The following STPG2 variants were observed in gnomAD, a reference collection of about 807,000 sequenced individuals.
STPG2 encodes sperm-tail PG-rich repeat-containing protein 2.
STPG2 carries 56 observed loss-of-function variants against 54.2 expected under a neutral mutation model. The observed-to-expected ratio is 1.03, with a 90% confidence interval of 0.83 to 1.29. The LOEUF (loss-of-function observed/expected upper bound fraction) is 1.29. STPG2 is among the 50% of genes most tolerant of loss of function. The pLI is 0.00. For missense variants in STPG2, 596 were observed against 544.9 expected, an observed-to-expected ratio of 1.09 and a Z score of -0.93; for synonymous variants, 200 against 181.8, an observed-to-expected ratio of 1.10 and a Z score of -0.81.
At chr4:97,897,309 A>G (rs966774269) in intron 8 of STPG2, among the ~76,000 whole-genome samples, 6 of 152,060 alleles carry the variant, frequency 3.9e-5, no homozygotes, top group African/African-American at 1.4e-4. Flanking sequence ...TCTATCACTG[A>G]TGGACATTTA....
intron 5 of STPG2, among the ~76,000 whole-genome samples, chr4:98,033,794 A>G (rs1348763637): frequency 6.6e-6 from 1 of 152,204 alleles, no homozygotes; most frequent in Admixed American, 6.5e-5. Flanking sequence ...AAGCTGATTC[A>G]ACATAGGCAA....
intron 9 of STPG2, among the ~76,000 whole-genome samples, chr4:97,794,751 A>T (rs776905999): frequency 1.6e-4 from 24 of 152,136 alleles, no homozygotes; most frequent in Non-Finnish European, 3.4e-4. Flanking sequence ...CAAGTGTTTG[A>T]TTTTTAATTT....
At chr4:97,636,118 G>C (rs1314078844) in intron 10 of STPG2, among the ~76,000 whole-genome samples, 2 of 146,572 alleles carry the variant, frequency 1.4e-5, no homozygotes, top group Non-Finnish European at 3.0e-5. Flanking sequence ...AAATGTAAAA[G>C]AACAGACATT....
intron 10 of STPG2, among the ~76,000 whole-genome samples, chr4:97,657,098 C>T (rs963386996): frequency 9.4e-5 from 14 of 148,764 alleles, no homozygotes; most frequent in African/African-American, 2.0e-4. Context: ...TTTGCCAAAA[C>T]GATAAGAAGA....
At chr4:97,865,058 A>C (rs1409203964) in intron 8 of STPG2, among the ~76,000 whole-genome samples, 1 of 152,194 alleles carries the variant, frequency 6.6e-6, no homozygotes, top group Admixed American at 6.6e-5. Context: ...TAAAACACCA[A>C]AAGCAATGGC....
At chr4:98,009,277 G>T (rs2149280943) in intron 5 of STPG2, among the ~76,000 whole-genome samples, 1 of 151,052 alleles carries the variant, frequency 6.6e-6, no homozygotes. Context: ...TGATATGTTA[G>T]TTTTTTTCAT....
chr4:97,775,395 C>T (rs1726345231), intron 9 of STPG2, among the ~76,000 whole-genome samples: 1 of 151,688 alleles, frequency 6.6e-6, no homozygotes, highest in Non-Finnish European at 1.5e-5. Flanking sequence ...CTAATGCTAT[C>T]CCTAGAAATT....
At chr4:98,070,559 G>C (rs1737971037) in intron 5 of STPG2, among the ~76,000 whole-genome samples, 1 of 151,818 alleles carries the variant, frequency 6.6e-6, no homozygotes, top group South Asian at 2.1e-4. Flanking sequence ...TTCAAATAGA[G>C]AGAGAGGATG....
At chr4:97,897,243 C>CT (rs1284296210) in intron 8 of STPG2, among the ~76,000 whole-genome samples, 1 of 152,022 alleles carries the variant, frequency 6.6e-6, no homozygotes, top group Non-Finnish European at 1.5e-5. Flanking sequence ...TGATCTCATT[C>CT]TTTTTTATAA....
At chr4:97,486,093 A>C (rs777362529) in intron 4 of STPG2, among the ~76,000 whole-genome samples, 2 of 150,912 alleles carry the variant, frequency 1.3e-5, no homozygotes, top group Non-Finnish European at 3.0e-5. Context: ...AAATTCTAGA[A>C]GATAATAGAC....
chr4:97,560,911 ACATGTG>A (rs1280274162), intron 10 of STPG2, among the ~76,000 whole-genome samples: 3 of 152,210 alleles, frequency 2.0e-5, no homozygotes, highest in Non-Finnish European at 4.4e-5. Context: ...CAATAAACGT[ACATGTG>A]CATGTGTCTT....
chr4:97,844,608 C>G (rs1384042186), intron 8 of STPG2, among the ~76,000 whole-genome samples: 1 of 151,928 alleles, frequency 6.6e-6, no homozygotes, highest in Non-Finnish European at 1.5e-5. Context: ...CACCTTTGTT[C>G]TCTTTCACTA....
intron 4 of STPG2, among the ~76,000 whole-genome samples, chr4:97,542,532 C>G (rs572015923): frequency 9.9e-5 from 15 of 152,274 alleles, no homozygotes; most frequent in Non-Finnish European, 1.6e-4. Flanking sequence ...GGACTGTAAA[C>G]TAGTTCAACC....
intron 9 of STPG2, among the ~76,000 whole-genome samples, chr4:97,768,767 T>G (rs1726133560): frequency 6.6e-6 from 1 of 151,814 alleles, no homozygotes; most frequent in African/African-American, 2.4e-5. Context: ...AGTGGCACGA[T>G]CTCAGCTCAC....
At chr4:97,856,074 G>A (rs1038573918) in intron 8 of STPG2, among the ~76,000 whole-genome samples, 13 of 152,024 alleles carry the variant, frequency 8.6e-5, no homozygotes, top group Admixed American at 1.3e-4. Context: ...CTGTAGCCCC[G>A]GACTATAGTG....
At chr4:97,905,696 G>A (rs1045974936) in intron 8 of STPG2, among the ~76,000 whole-genome samples, 3 of 152,114 alleles carry the variant, frequency 2.0e-5, no homozygotes, top group East Asian at 1.9e-4. Flanking sequence ...TCAGTGTGCT[G>A]TATTCAGGAA....
intron 8 of STPG2, among the ~76,000 whole-genome samples, chr4:97,907,023 T>C (rs1361941455): frequency 4.5e-4 from 68 of 150,650 alleles, no homozygotes; most frequent in South Asian, 8.5e-4. Flanking sequence ...CCAGGGCAAT[T>C]AGGCAGGAGA....
At chr4:97,441,306 C>G (rs1373131277) in intron 4 of STPG2, 1 of 151,836 alleles carries the variant, frequency 6.6e-6, no homozygotes, top group Non-Finnish European at 1.5e-5. Context: ...CAGTAGTACA[C>G]GCTTAGAAAG....
At chr4:98,136,332 T>C (rs1029467379) in intron 1 of STPG2, among the ~76,000 whole-genome samples, 1 of 151,728 alleles carries the variant, frequency 6.6e-6, no homozygotes, top group Admixed American at 6.6e-5. Context: ...ATATAGTAAA[T>C]TGAAACTGCA....
Sources: allele counts gnomAD v4.1 joint callset (sites outside exome capture counted in the v4.1 genomes callset), GRCh38; gene constraint gnomAD v4.1.1; transcripts MANE v1.5; gene names NCBI Gene and HGNC (gene_info 2026-07-23, HGNC 2026-07-21).